Variants in NKAIN3 observed in about 807,000 individuals in gnomAD.
NKAIN3 encodes sodium/potassium transporting ATPase interacting 3.
In NKAIN3, 25 loss-of-function variants were observed where a neutral mutation model predicts 30.2. That is an observed-to-expected ratio of 0.83 (90% CI 0.60 to 1.16). The LOEUF is 1.16. Among genes scored for constraint, NKAIN3 ranks in the 50% most tolerant of loss-of-function variants. The probability of loss-of-function intolerance (pLI) is 0.00; values close to 1 mark genes in which losing one functional copy is unlikely to be tolerated. For missense variants in NKAIN3, 225 were observed against 254.1 expected (o/e 0.89, Z 0.78); for synonymous variants, 91 against 89.6 (o/e 1.02, Z -0.09).
intron 3 of NKAIN3, among the ~76,000 whole-genome samples, chr8:62,603,769 C>T (rs976329611): frequency 1.5e-4 from 23 of 152,096 alleles, no homozygotes; most frequent in Admixed American, 1.3e-3. Flanking sequence ...GCTACCTTAG[C>T]ATAGGAGTCA....
intron 1 of NKAIN3, among the ~76,000 whole-genome samples, chr8:62,451,968 G>A (rs1477543257): frequency 6.6e-6 from 1 of 152,078 alleles, no homozygotes. Context: ...TTATTTTCCA[G>A]GATATATCAA....
At chr8:62,766,957 T>A (rs1237884034) in intron 4 of NKAIN3, among the ~76,000 whole-genome samples, 3 of 129,686 alleles carry the variant, frequency 2.3e-5, no homozygotes, top group African/African-American at 8.7e-5. Context: ...GTAGGAAAAC[T>A]GTCCATTATA....
chr8:62,842,079 T>G (rs1276255031), intron 4 of NKAIN3, among the ~76,000 whole-genome samples: 3 of 152,134 alleles, frequency 2.0e-5, no homozygotes, highest in Non-Finnish European at 4.4e-5. Flanking sequence ...TAATGAACCT[T>G]TTGGCCGTTT....
chr8:62,398,955 G>A (rs892039602), intron 1 of NKAIN3, among the ~76,000 whole-genome samples: 16 of 152,172 alleles, frequency 1.1e-4, no homozygotes, highest in African/African-American at 3.1e-4. Context: ...GCTGGGCGTG[G>A]TGGCACACGC....
At chr8:62,525,180 C>T (rs1420378807) in intron 1 of NKAIN3, among the ~76,000 whole-genome samples, 6 of 148,348 alleles carry the variant, frequency 4.0e-5, no homozygotes, top group African/African-American at 1.5e-4. Context: ...CCACAGAACC[C>T]CCTAAGGAGA....
chr8:62,479,442 C>T (rs1806634835), intron 1 of NKAIN3, among the ~76,000 whole-genome samples: 1 of 152,094 alleles, frequency 6.6e-6, no homozygotes, highest in Admixed American at 6.5e-5. Context: ...TGAATTTGAA[C>T]CCAGATCTGA....
chr8:62,864,146 C>T (rs1820347218), intron 4 of NKAIN3: 2 of 623,962 alleles, frequency 3.2e-6, no homozygotes, highest in Non-Finnish European at 5.7e-6. Context: ...GCGCGGAAAC[C>T]AGCCGGGCTG....
Position 62,713,702 on chromosome 8 carries a change from A to G in NKAIN3, c.274-33230A>G, listed in dbSNP as rs1222442595. ...ACTTGTTATTTCTCAAATCAAGAAC[A>G]GATTGAAGTAAACATTTCTATGGTT... On this transcript the variant is annotated intron_variant, in intron 3 of 6. Coordinates refer to ENST00000623646, the MANE Select transcript of NKAIN3 (RefSeq NM_001304533.3). Among the ~76,000 whole-genome samples the G allele has an allele frequency of 3.9e-5, 6 of 152,322 alleles. No individual in the cohort carries two copies. In the South Asian group the frequency reaches 6.2e-4, roughly 16 times the overall value.
chr8:62,715,004 T>G (rs1208540271), intron 3 of NKAIN3, among the ~76,000 whole-genome samples: 1 of 152,098 alleles, frequency 6.6e-6, no homozygotes, highest in Non-Finnish European at 1.5e-5. Context: ...GCTGTACAGA[T>G]AGCATGGGTG....
At chr8:62,745,256 T>C (rs1200873627) in intron 3 of NKAIN3, among the ~76,000 whole-genome samples, 1 of 152,210 alleles carries the variant, frequency 6.6e-6, no homozygotes, top group Non-Finnish European at 1.5e-5. Flanking sequence ...AACCTTGGAA[T>C]GCACTGACGT....
intron 1 of NKAIN3, among the ~76,000 whole-genome samples, chr8:62,447,936 C>A (rs1046253857): frequency 6.6e-6 from 1 of 151,950 alleles, no homozygotes; most frequent in Non-Finnish European, 1.5e-5. Flanking sequence ...AAACCTTTAT[C>A]TGAGTACTTG....
chr8:62,850,139 T>C lies in NKAIN3; in HGVS notation c.472-68314T>C, dbSNP rs551573229. Among the ~76,000 whole-genome samples the C allele has an allele frequency of 2.0e-5, 3 of 152,238 alleles. No homozygotes were observed. In the East Asian group the frequency reaches 5.8e-4, roughly 29 times the overall value. ...CTGTTGTTTCCTGACTTTTTAATGA[T>C]CGCCATTCTAACTGGTGTGAGATGC... On this transcript the variant is annotated intron_variant, in intron 4 of 6. Coordinates refer to ENST00000623646, the MANE Select transcript of NKAIN3 (RefSeq NM_001304533.3).
chr8:62,426,428 A>T (rs1198725359), intron 1 of NKAIN3, among the ~76,000 whole-genome samples: 1 of 152,016 alleles, frequency 6.6e-6, no homozygotes, highest in Non-Finnish European at 1.5e-5. Context: ...GCCAAACAGC[A>T]TCATCTTAAA....
chr8:62,390,498 A>T (rs187112347), intron 1 of NKAIN3, among the ~76,000 whole-genome samples: 196 of 152,310 alleles, frequency 1.3e-3, no homozygotes, highest in African/African-American at 4.2e-3. Flanking sequence ...TAGTGCTGCA[A>T]TGAATATAAA....
chr8:62,993,865 C>T (rs1804038930), intron 5 of NKAIN3, among the ~76,000 whole-genome samples: 1 of 151,988 alleles, frequency 6.6e-6, no homozygotes, highest in Admixed American at 6.6e-5. Flanking sequence ...TAATTTCTGC[C>T]CTGTAAAAGC....
intron 3 of NKAIN3, among the ~76,000 whole-genome samples, chr8:62,725,761 T>TTTAAGTC (rs1296315563): frequency 6.6e-6 from 1 of 152,140 alleles, no homozygotes; most frequent in African/African-American, 2.4e-5. Context: ...GCAGTATAAT[T>TTTAAGTC]TTAAGTCTGG....
chr8:62,731,268 CACACA>C (rs1563535988), intron 3 of NKAIN3, among the ~76,000 whole-genome samples: 6 of 151,468 alleles, frequency 4.0e-5, no homozygotes, highest in African/African-American at 1.5e-4. Context: ...CACACACACA[CACACA>C]CCCTTCCTTC....
intron 1 of NKAIN3, among the ~76,000 whole-genome samples, chr8:62,352,720 A>C (rs1324253015): frequency 1.3e-5 from 2 of 152,184 alleles, no homozygotes; most frequent in African/African-American, 4.8e-5. Flanking sequence ...TGAACTGCTA[A>C]CCACCATGAG....
At chr8:62,536,178 G>T (rs542140341) in intron 1 of NKAIN3, among the ~76,000 whole-genome samples, 1 of 152,102 alleles carries the variant, frequency 6.6e-6, no homozygotes, top group East Asian at 1.9e-4. Flanking sequence ...GAAGCCATTT[G>T]GAACATGAAT....
Sources: allele counts gnomAD v4.1 joint callset (sites outside exome capture counted in the v4.1 genomes callset), GRCh38; gene constraint gnomAD v4.1.1; transcripts MANE v1.5; gene names NCBI Gene and HGNC (gene_info 2026-07-23, HGNC 2026-07-21).